The following ACTA2 variants were observed in gnomAD, a reference collection of about 807,000 sequenced individuals.
The protein encoded by ACTA2 is actin alpha 2, smooth muscle.
In ACTA2, 12 loss-of-function variants were observed where a neutral mutation model predicts 39.5. The observed-to-expected ratio is 0.30, with a 90% confidence interval of 0.19 to 0.49. The LOEUF (loss-of-function observed/expected upper bound fraction) is 0.49, where lower values mean the gene tolerates loss of function less well. Among genes scored for constraint, ACTA2 ranks in the 20% least tolerant of loss-of-function variants. The probability of loss-of-function intolerance (pLI) is 0.99; values close to 1 mark genes in which losing one functional copy is unlikely to be tolerated. For synonymous variants in ACTA2, 158 were observed against 180.6 expected, an observed-to-expected ratio of 0.88 and a Z score of 1.00; for missense variants, 236 against 498.8, an observed-to-expected ratio of 0.47 and a Z score of 5.02.
At chr10:88,936,442 G>A (rs1034786718) in intron 8 of ACTA2, among the ~76,000 whole-genome samples, 1 of 152,202 alleles carries the variant, frequency 6.6e-6, no homozygotes, top group Admixed American at 6.5e-5. Context: ...CCTGGTAGGA[G>A]GTGTTTGGAT....
At chr10:88,983,791 A>T (rs889428919) in intron 1 of ACTA2, among the ~76,000 whole-genome samples, 18 of 152,326 alleles carry the variant, frequency 1.2e-4, no homozygotes, top group Non-Finnish European at 2.5e-4. Flanking sequence ...AGTTTGAAGA[A>T]ATTTCAGAAA....
intron 1 of ACTA2, among the ~76,000 whole-genome samples, chr10:88,962,802 C>T (rs1004420163): frequency 1.3e-5 from 2 of 151,150 alleles, no homozygotes; most frequent in South Asian, 2.1e-4. Flanking sequence ...TTAATGGACT[C>T]ACAGTTCCAC....
intron 2 of ACTA2, 143 bp from the exon 3 acceptor site, chr10:88,947,529 C>T: frequency 7.7e-7 from 1 of 1,292,552 alleles, no homozygotes; most frequent in South Asian, 1.3e-5. Flanking sequence ...GTCTCATTGC[C>T]ACTATGCTCT....
At chr10:88,939,273 C>T (rs1845803164) in intron 7 of ACTA2, 7 of 577,244 alleles carry the variant, frequency 1.2e-5, no homozygotes, top group Non-Finnish European at 2.2e-5. Flanking sequence ...TCATCATACA[C>T]CATGAATGCT....
intron 1 of ACTA2, among the ~76,000 whole-genome samples, chr10:88,960,999 T>G (rs573833882): frequency 6.6e-6 from 1 of 152,256 alleles, no homozygotes; most frequent in South Asian, 2.1e-4. Context: ...AAGGAGTGTG[T>G]GTGTTGAGAA....
At chr10:88,973,975 T>C (rs886362652) in intron 1 of ACTA2, 7 of 152,318 alleles carry the variant, frequency 4.6e-5, no homozygotes, top group Middle Eastern at 3.4e-3. Flanking sequence ...CTAATTTTTG[T>C]ATTTTTAGTA....
At chr10:88,949,958 TTTATACTTGGATC>T (rs1846020789) in intron 1 of ACTA2, among the ~76,000 whole-genome samples, 1 of 152,234 alleles carries the variant, frequency 6.6e-6, no homozygotes, top group South Asian at 2.1e-4. Context: ...AATAACCCAT[TTTATACTTGGATC>T]TTATACTTGG....
chr10:88,976,085 T>C (rs1168671808), intron 1 of ACTA2, among the ~76,000 whole-genome samples: 1 of 152,190 alleles, frequency 6.6e-6, no homozygotes, highest in Non-Finnish European at 1.5e-5. Context: ...GTTATAGTGA[T>C]AATATAATGT....
At chr10:88,987,433 CT>C in intron 1 of ACTA2, among the ~76,000 whole-genome samples, 1 of 152,334 alleles carries the variant, frequency 6.6e-6, no homozygotes, top group East Asian at 1.9e-4. Context: ...GCATCCAGAA[CT>C]TGGATAGCTC....
chr10:88,964,326 G>C (rs138692966), intron 1 of ACTA2, among the ~76,000 whole-genome samples: 9 of 152,182 alleles, frequency 5.9e-5, no homozygotes. Flanking sequence ...AATTCTCAAA[G>C]AAGTGGCTTA....
intron 8 of ACTA2, among the ~76,000 whole-genome samples, chr10:88,937,294 G>A (rs192461196): frequency 2.6e-5 from 4 of 152,294 alleles, no homozygotes; most frequent in Admixed American, 2.0e-4. Context: ...AAATACCCAC[G>A]TGTGTGAACT....
chr10:88,936,170 T>G (rs1427600321), intron 8 of ACTA2, among the ~76,000 whole-genome samples: 1 of 152,226 alleles, frequency 6.6e-6, no homozygotes, highest in African/African-American at 2.4e-5. Flanking sequence ...AGTCTTAAAT[T>G]ACTCCCATAT....
At chr10:88,980,047 TA>T (rs1846672283) in intron 1 of ACTA2, among the ~76,000 whole-genome samples, 1 of 152,260 alleles carries the variant, frequency 6.6e-6, no homozygotes, top group Admixed American at 6.5e-5. Context: ...AGCCGAAAGA[TA>T]AAGTGGACTT....
chr10:88,943,953 T>C, intron 3 of ACTA2, 46 bp from the exon 4 acceptor site: 1 of 1,566,902 alleles, frequency 6.4e-7, no homozygotes, highest in Non-Finnish European at 8.8e-7. Context: ...TGTGCTGTCA[T>C]GAGGTCCTGC....
intron 1 of ACTA2, among the ~76,000 whole-genome samples, chr10:88,969,616 T>C (rs1473161924): frequency 2.6e-5 from 4 of 152,196 alleles, no homozygotes; most frequent in Non-Finnish European, 4.4e-5. Flanking sequence ...AAATTGTTTC[T>C]GGCTCTCTGG....
chr10:88,950,843 A>T (rs1363702312), intron 1 of ACTA2, among the ~76,000 whole-genome samples: 4 of 152,208 alleles, frequency 2.6e-5, no homozygotes, highest in Non-Finnish European at 5.9e-5. Context: ...TGGGTTTTTT[A>T]AAGTGTTTAA....
At chr10:88,969,158 G>T (rs764523973) in intron 1 of ACTA2, among the ~76,000 whole-genome samples, 16 of 152,154 alleles carry the variant, frequency 1.1e-4, no homozygotes, top group African/African-American at 3.1e-4. Flanking sequence ...ATTGAGGCAA[G>T]AAGTATAATC....
At chr10:88,987,594 T>C (rs1846941654) in intron 1 of ACTA2, among the ~76,000 whole-genome samples, 1 of 152,178 alleles carries the variant, frequency 6.6e-6, no homozygotes, top group South Asian at 2.1e-4. Context: ...TCAAATCCAA[T>C]GAAAAAGAAA....
At chr10:88,980,377 C>T (rs1161248775) in intron 1 of ACTA2, among the ~76,000 whole-genome samples, 5 of 152,142 alleles carry the variant, frequency 3.3e-5, no homozygotes, top group Non-Finnish European at 5.9e-5. Context: ...TGAACATAAC[C>T]ACAGTGGAGG....
Sources: allele counts gnomAD v4.1 joint callset (sites outside exome capture counted in the v4.1 genomes callset), GRCh38; gene constraint gnomAD v4.1.1; transcripts MANE v1.5; gene names NCBI Gene and HGNC (gene_info 2026-07-23, HGNC 2026-07-21).